MSL2: variants seen among roughly 807,000 people sequenced by gnomAD.
The protein encoded by MSL2 is E3 ubiquitin-protein ligase MSL2.
Under a neutral mutation model 35.8 loss-of-function variants are expected in MSL2, and 2 were observed. The observed-to-expected ratio is 0.06, with a 90% CI of 0.02 to 0.18. MSL2 has a LOEUF of 0.18. Among genes scored for constraint, MSL2 ranks in the 10% least tolerant of loss-of-function variants. MSL2 has a pLI of 1.00. For missense variants in MSL2, 523 were observed against 706.7 expected (o/e 0.74, Z 2.95); for synonymous variants, 296 against 255.7 (o/e 1.16, Z -1.50).
chr3:136,171,460 G>T (rs1040841310), intron 1 of MSL2, among the ~76,000 whole-genome samples: 66 of 152,330 alleles, frequency 4.3e-4, no homozygotes, highest in African/African-American at 1.5e-3. Flanking sequence ...ACGAAAGCAT[G>T]TGACCATGAA....
intron 1 of MSL2, among the ~76,000 whole-genome samples, chr3:136,176,989 G>A (rs982660802): frequency 1.3e-5 from 2 of 152,190 alleles, no homozygotes; most frequent in African/African-American, 2.4e-5. Flanking sequence ...ACTCTCCTAA[G>A]ACAGCACAAG....
Position 136,152,481 on chromosome 3 carries a change from T to A in MSL2, c.400A>T (p.Asn134Tyr). The A allele has an allele frequency of 6.2e-7, 1 of 1,614,212 alleles. No individual in the cohort carries two copies. Among genetic ancestry groups the A allele is most frequent in the South Asian group, 1.1e-5 (1 of 91,088 alleles). The change falls in exon 2 of 2, where the codon AAT (asparagine) becomes TAT (tyrosine). Residue 134 changes from asparagine (N) to tyrosine (Y), a missense_variant. Coordinates refer to ENST00000309993, the MANE Select transcript of MSL2 (RefSeq NM_018133.4). Reference protein sequence around the residue: ...DCSSDILALLNDGSLFCEETE... With the variant: ...DCSSDILALLYDGSLFCEETE... The stretch of plus-strand genomic sequence containing the variant: ...TCCTCACAAAACAATGATCCATCAT[T>A]AAGCAAAGCCAAAATATCAGAAGAA...
intron 1 of MSL2, among the ~76,000 whole-genome samples, chr3:136,175,451 T>A (rs1940146934): frequency 6.6e-6 from 1 of 151,774 alleles, no homozygotes; most frequent in Non-Finnish European, 1.5e-5. Flanking sequence ...TTTGGGAGGC[T>A]GGGGCAGGAG....
intron 1 of MSL2, among the ~76,000 whole-genome samples, chr3:136,174,586 G>C (rs1335378721): frequency 6.6e-6 from 1 of 152,214 alleles, no homozygotes; most frequent in African/African-American, 2.4e-5. Context: ...AAAGGAAGGG[G>C]AGGATGGATT....
intron 1 of MSL2, among the ~76,000 whole-genome samples, chr3:136,178,236 A>G (rs1383814505): frequency 6.6e-6 from 1 of 152,208 alleles, no homozygotes; most frequent in East Asian, 1.9e-4. Context: ...CACTTTTATA[A>G]TATTCCATTA....
chr3:136,150,241 G>C lies in MSL2; in HGVS notation c.*906C>G, dbSNP rs981338711. ...AAAGACTGTGGCAAATAAACTATTA[G>C]AGAAAATAAGTCAAAGTGGCGGCCA... On this transcript the variant is annotated 3_prime_UTR_variant, in exon 2 of 2. Transcript: ENST00000309993. 6.6e-6 allele frequency: 1 copy of C among 152,206 alleles called. No homozygotes were observed. The highest frequency in any genetic ancestry group is 1.5e-5 in the Non-Finnish European group (1 of 68,032). 9.4% of individuals were successfully genotyped at this position (152,206 alleles called of 1,614,324 possible).
chr3:136,194,687 A>G, intron 1 of MSL2: 1 of 359,976 alleles, frequency 2.8e-6, no homozygotes, highest in Non-Finnish European at 4.8e-6. Flanking sequence ...AGCCTTGTGC[A>G]TGCATCTTAC....
intron 1 of MSL2, among the ~76,000 whole-genome samples, chr3:136,183,051 C>G (rs115728049): frequency 6.6e-6 from 1 of 152,122 alleles, no homozygotes; most frequent in Non-Finnish European, 1.5e-5. Flanking sequence ...GTAACTTAGC[C>G]TCATCCCAGA....
chr3:136,175,484 G>C (rs752150465), intron 1 of MSL2, among the ~76,000 whole-genome samples: 1 of 151,902 alleles, frequency 6.6e-6, no homozygotes, highest in Non-Finnish European at 1.5e-5. Flanking sequence ...CCAGGAGTTC[G>C]AGACCAGCCT....
chr3:136,174,395 T>C (rs1940110210), intron 1 of MSL2, among the ~76,000 whole-genome samples: 1 of 152,210 alleles, frequency 6.6e-6, no homozygotes, highest in African/African-American at 2.4e-5. Context: ...TCTGTACTTC[T>C]ATTAAAACAG....
intron 1 of MSL2, among the ~76,000 whole-genome samples, chr3:136,182,324 T>TA (rs1435196224): frequency 6.6e-6 from 1 of 152,238 alleles, no homozygotes; most frequent in East Asian, 1.9e-4. Flanking sequence ...AATGTGATCT[T>TA]ATTCTGCTTC....
chr3:136,159,508 C>T (rs1349220520), intron 1 of MSL2, among the ~76,000 whole-genome samples: 1 of 149,872 alleles, frequency 6.7e-6, no homozygotes, highest in African/African-American at 2.4e-5. Flanking sequence ...GGACTACAGG[C>T]GCCCGCCACC....
chr3:136,161,992 C>G (rs1939719043), intron 1 of MSL2, among the ~76,000 whole-genome samples: 1 of 151,714 alleles, frequency 6.6e-6, no homozygotes, highest in Non-Finnish European at 1.5e-5. Context: ...GGCTAGAGCA[C>G]AGTGGCGTGA....
chr3:136,182,093 A>G (rs1322389150), intron 1 of MSL2, among the ~76,000 whole-genome samples: 1 of 152,180 alleles, frequency 6.6e-6, no homozygotes, highest in African/African-American at 2.4e-5. Context: ...AAGTTCTTTA[A>G]ATGTTATAAC....
intron 1 of MSL2, among the ~76,000 whole-genome samples, chr3:136,165,202 C>T (rs949096696): frequency 1.5e-5 from 2 of 136,686 alleles, no homozygotes; most frequent in African/African-American, 5.5e-5. Context: ...ATGTAAAGTT[C>T]GTGACAAAAA....
chr3:136,191,043 G>C (rs1160310573), intron 1 of MSL2, among the ~76,000 whole-genome samples: 2 of 152,190 alleles, frequency 1.3e-5, no homozygotes, highest in East Asian at 3.8e-4. Context: ...ATCTAGGTTT[G>C]ACAATAATTG....
chr3:136,173,778 A>G (rs1219373005), intron 1 of MSL2, among the ~76,000 whole-genome samples: 1 of 152,130 alleles, frequency 6.6e-6, no homozygotes, highest in Non-Finnish European at 1.5e-5. Flanking sequence ...TTAAAATCCA[A>G]AGACTTTGGA....
intron 1 of MSL2, among the ~76,000 whole-genome samples, chr3:136,185,915 C>T (rs1336456193): frequency 1.3e-5 from 2 of 151,158 alleles, no homozygotes; most frequent in Admixed American, 6.6e-5. Flanking sequence ...TCAATGGAGA[C>T]AATTACATAC....
chr3:136,165,876 T>C (rs1394745988), intron 1 of MSL2, among the ~76,000 whole-genome samples: 1 of 151,884 alleles, frequency 6.6e-6, no homozygotes, highest in East Asian at 1.9e-4. Flanking sequence ...AAGAGTATAA[T>C]GGGATAACTA....
Sources: gnomAD v4.1 joint callset for allele counts (sites outside exome capture counted in the v4.1 genomes callset) on GRCh38, gnomAD v4.1.1 for gene constraint, MANE v1.5 for transcripts, NCBI Gene and HGNC (gene_info 2026-07-23, HGNC 2026-07-21) for gene names.